Variants in PDE1C observed in about 807,000 individuals in gnomAD.
PDE1C encodes the protein phosphodiesterase 1C.
PDE1C carries 62 observed loss-of-function variants against 93.1 expected under a neutral mutation model. That is an observed-to-expected ratio of 0.67 (90% CI 0.54 to 0.82). PDE1C has a LOEUF of 0.82. Ranked by LOEUF, PDE1C falls within the 40% of genes least tolerant of loss-of-function variation. The probability of loss-of-function intolerance (pLI) is 0.00; values close to 1 mark genes in which losing one functional copy is unlikely to be tolerated. For missense variants in PDE1C, 742 were observed against 884.6 expected (o/e 0.84, Z 2.04); for synonymous variants, 325 against 310.1 (o/e 1.05, Z -0.50).
chr7:32,106,310 C>A (rs879694077), intron 3 of PDE1C, among the ~76,000 whole-genome samples: 1 of 152,208 alleles, frequency 6.6e-6, no homozygotes, highest in Non-Finnish European at 1.5e-5. Context: ...TCCTAAAGTA[C>A]TGGGATTATA....
chr7:31,850,914 CTTGTGAT>C (rs1793246900), intron 7 of PDE1C, 173 bp from the exon 8 acceptor site: 1 of 585,738 alleles, frequency 1.7e-6, no homozygotes, highest in Non-Finnish European at 3.1e-6. Context: ...GACTTGGAGA[CTTGTGAT>C]TTGTTAACAA....
At chr7:31,814,081 T>TACACACAC (rs141676874) in intron 15 of PDE1C, among the ~76,000 whole-genome samples, 19 of 149,428 alleles carry the variant, frequency 1.3e-4, no homozygotes, top group African/African-American at 3.4e-4. Flanking sequence ...CATATATATG[T>TACACACAC]ACACACACAC....
intron 3 of PDE1C, among the ~76,000 whole-genome samples, chr7:32,114,757 C>T (rs559001148): frequency 3.3e-4 from 50 of 152,144 alleles, no homozygotes; most frequent in African/African-American, 1.1e-3. Context: ...GGAAGTTAAA[C>T]AAATTTACAA....
At position 31,773,732 on chromosome 7, in the gene PDE1C, G is replaced by C. The variant is rs540122988; in HGVS notation, c.1960+1932C>G. On this transcript the variant is annotated intron_variant, in intron 17 of 17. Coordinates refer to ENST00000396191, the MANE Select transcript of PDE1C (RefSeq NM_001191057.4). ...ACTAAATGGGAGGCTGCTCACTCAC[G>C]CACCACGTACCCAGCTTAGAAACAT... is the stretch of plus-strand genomic sequence containing the variant. Among the ~76,000 whole-genome samples, 4 of 152,174 alleles carry C rather than the reference G, an allele frequency of 2.6e-5. No homozygotes were observed. The East Asian group carries it at 7.8e-4, about 30-fold the overall frequency.
At chr7:31,808,507 G>T (rs1297784288) in intron 16 of PDE1C, among the ~76,000 whole-genome samples, 2 of 151,850 alleles carry the variant, frequency 1.3e-5, no homozygotes, top group African/African-American at 4.8e-5. Context: ...TTTAGGACTT[G>T]TTCTTGCTGG....
At chr7:32,318,999 G>T (rs1264947015) in intron 1 of PDE1C, among the ~76,000 whole-genome samples, 1 of 152,218 alleles carries the variant, frequency 6.6e-6, no homozygotes, top group Non-Finnish European at 1.5e-5. Flanking sequence ...AGAACCGGTG[G>T]TGATTGTCAC....
chr7:32,040,842 C>T (rs528748986), intron 2 of PDE1C, among the ~76,000 whole-genome samples: 1 of 152,228 alleles, frequency 6.6e-6, no homozygotes, highest in East Asian at 1.9e-4. Context: ...TCCTGCCCCA[C>T]CTACCCCAAT....
chr7:32,355,468 T>G (rs73310899), intron 1 of PDE1C, among the ~76,000 whole-genome samples: 81 of 152,128 alleles, frequency 5.3e-4, no homozygotes, highest in African/African-American at 1.8e-3. Context: ...CTCCTTGGAG[T>G]GTTACAGTGC....
the PDE1C span, among the ~76,000 whole-genome samples, chr7:31,733,604 T>A: frequency 1.3e-5 from 2 of 152,232 alleles, no homozygotes; most frequent in African/African-American, 4.8e-5. Flanking sequence ...ATATTCCTGC[T>A]GCCTGGAATG....
chr7:32,313,149 A>G (rs973925479), intron 1 of PDE1C, among the ~76,000 whole-genome samples: 1 of 152,126 alleles, frequency 6.6e-6, no homozygotes, highest in African/African-American at 2.4e-5. Flanking sequence ...AAACACATGA[A>G]AAAATGCTCA....
rs141648917 is a variant in PDE1C, at chr7:31,992,565, A to G, written c.128+58989T>C. ...TTGATGTGGTTCATGTTGCATCCAT[A>G]GGCTGGTGAGGTCTGAAGGAGGGTA... On this transcript the variant is annotated intron_variant, in intron 2 of 17. Coordinates refer to ENST00000396191, the MANE Select transcript of PDE1C (RefSeq NM_001191057.4). 1.1e-4 allele frequency among the ~76,000 whole-genome samples: 17 copies of G among 152,328 alleles called. No homozygotes were observed. The East Asian group carries it at 3.3e-3, about 29-fold the overall frequency.
chr7:32,335,142 G>A (rs1783595202), intron 1 of PDE1C, among the ~76,000 whole-genome samples: 1 of 152,070 alleles, frequency 6.6e-6, no homozygotes, highest in South Asian at 2.1e-4. Context: ...AATATTTTAG[G>A]CCCTGAACAG....
intron 3 of PDE1C, among the ~76,000 whole-genome samples, chr7:32,096,405 T>C (rs928534951): frequency 6.6e-6 from 1 of 152,198 alleles, no homozygotes; most frequent in East Asian, 1.9e-4. Flanking sequence ...AAACAAACTT[T>C]TTAAATCTTC....
chr7:32,420,134 C>T lies in PDE1C; in HGVS notation c.310+7688G>A, dbSNP rs1234964219. 6.6e-3 allele frequency among the ~76,000 whole-genome samples: 149 copies of T among 22,602 alleles called. 15 individuals carry two copies. Among genetic ancestry groups the T allele is most frequent in the Middle Eastern group, 0.033 (2 of 60 alleles). The allele number at this position is 22,602 out of a possible 152,430, so 14.8% of individuals were successfully genotyped here. On this transcript the variant is annotated intron_variant, in intron 1 of 1. Transcript: ENST00000672256. ...ATATATATATATATATACACACACA[C>T]ACACACACACACACACACACACACA...
intron 2 of PDE1C, among the ~76,000 whole-genome samples, chr7:31,999,664 GC>G (rs1311771216): frequency 2.0e-5 from 3 of 152,082 alleles, no homozygotes; most frequent in Non-Finnish European, 1.5e-5. Context: ...ACACCTTTAG[GC>G]AAGAGACAGA....
At chr7:32,209,887 A>G (rs1455183987) in intron 1 of PDE1C, among the ~76,000 whole-genome samples, 1 of 152,342 alleles carries the variant, frequency 6.6e-6, no homozygotes, top group Non-Finnish European at 1.5e-5. Context: ...TTTGGCCCCA[A>G]GAGTCCTCTA....
intron 11 of PDE1C, among the ~76,000 whole-genome samples, chr7:31,835,750 A>AACTCC (rs1466286822): frequency 6.6e-6 from 1 of 152,078 alleles, no homozygotes; most frequent in Non-Finnish European, 1.5e-5. Context: ...AGTGGAAATA[A>AACTCC]ACTCCAATAA....
chr7:31,893,474 T>A, intron 2 of PDE1C: 1 of 984,642 alleles, frequency 1.0e-6, no homozygotes, highest in Non-Finnish European at 1.2e-6. Context: ...TGGGAAGACT[T>A]ACTTATGCAG....
chr7:31,990,529 A>G (rs1784028474), intron 2 of PDE1C, among the ~76,000 whole-genome samples: 1 of 152,180 alleles, frequency 6.6e-6, no homozygotes, highest in African/African-American at 2.4e-5. Flanking sequence ...GACTTCCCAG[A>G]AGAAGGATGG....
Sources: allele counts gnomAD v4.1 joint callset (sites outside exome capture counted in the v4.1 genomes callset), GRCh38; gene constraint gnomAD v4.1.1; transcripts MANE v1.5; gene names NCBI Gene and HGNC (gene_info 2026-07-23, HGNC 2026-07-21).